The following PCP4 variants were observed in gnomAD, a reference collection of about 807,000 sequenced individuals.
PCP4 encodes calmodulin regulator protein PCP4.
PCP4 carries 8 observed loss-of-function variants against 10.0 expected under a neutral mutation model. The ratio of observed to expected loss-of-function variants is 0.80; its 90% confidence interval spans 0.47 to 1.45. The LOEUF is 1.45. Ranked by LOEUF, PCP4 falls within the 40% of genes most tolerant of loss-of-function variation. The pLI, the probability that PCP4 is intolerant of heterozygous loss-of-function variation, is 0.00. For synonymous variants in PCP4, 21 were observed against 23.0 expected, an observed-to-expected ratio of 0.91 and a Z score of 0.24; for missense variants, 54 against 74.4, an observed-to-expected ratio of 0.73 and a Z score of 1.01.
chr21:39,908,296 A>G (rs998144733), intron 2 of PCP4, among the ~76,000 whole-genome samples: 3 of 152,132 alleles, frequency 2.0e-5, no homozygotes, highest in Admixed American at 2.0e-4. Flanking sequence ...TGTTCCCCAC[A>G]GTCGGTGTAA....
chr21:39,867,471 G>A lies in PCP4; in HGVS notation c.-31G>A, dbSNP rs562959976. Reference sequence around the variant, plus strand: ...CTGAGCAGTGTTCTCTGTGCTGAGCGGCGGGACTGAGCTGTTGAGTTAGAG... The same window carrying A: ...CTGAGCAGTGTTCTCTGTGCTGAGCAGCGGGACTGAGCTGTTGAGTTAGAG... On this transcript the variant is annotated 5_prime_UTR_variant, in exon 1 of 3. Transcript: ENST00000328619. 2.5e-6 allele frequency: 4 copies of A among 1,613,894 alleles called. No individual in the cohort carries two copies. The highest frequency in any genetic ancestry group is 1.7e-5 in the Admixed American group (1 of 60,028).
chr21:39,929,182 C>T lies in PCP4; in HGVS notation c.*71C>T. The T allele has an allele frequency of 2.0e-6, 3 of 1,495,074 alleles. No homozygotes were observed. The South Asian group carries it at 3.7e-5, about 19-fold the overall frequency. 92.6% of individuals were successfully genotyped at this position (1,495,074 alleles called of 1,614,324 possible). Reference sequence around the variant, plus strand: ...ATCATCTGTCAAGAAATTAAAAGAACAACACCCTAGAGAGAAGTCATCCAC... The same window carrying T: ...ATCATCTGTCAAGAAATTAAAAGAATAACACCCTAGAGAGAAGTCATCCAC... On this transcript the variant is annotated 3_prime_UTR_variant, in exon 3 of 3. Coordinates refer to ENST00000328619, the MANE Select transcript of PCP4 (RefSeq NM_006198.3).
At chr21:39,880,973 T>C (rs1168569337) in intron 1 of PCP4, among the ~76,000 whole-genome samples, 2 of 152,188 alleles carry the variant, frequency 1.3e-5, no homozygotes, top group Admixed American at 6.5e-5. Context: ...GCACAGCTGT[T>C]AGATGAGTTG....
At chr21:39,878,181 A>G (rs1272293640) in intron 1 of PCP4, among the ~76,000 whole-genome samples, 1 of 152,140 alleles carries the variant, frequency 6.6e-6, no homozygotes, top group Non-Finnish European at 1.5e-5. Context: ...CTACAGGCCT[A>G]TTCTCTGTAT....
At chr21:39,879,587 C>T (rs1056119178) in intron 1 of PCP4, among the ~76,000 whole-genome samples, 1 of 152,164 alleles carries the variant, frequency 6.6e-6, no homozygotes, top group Non-Finnish European at 1.5e-5. Flanking sequence ...TCCAGAGGTA[C>T]AAGCAGTGGC....
intron 1 of PCP4, among the ~76,000 whole-genome samples, chr21:39,896,948 T>C (rs1378065237): frequency 1.3e-5 from 2 of 152,170 alleles, no homozygotes; most frequent in Non-Finnish European, 2.9e-5. Flanking sequence ...TCTGCTGTTT[T>C]TTTCTAGGAT....
At chr21:39,927,506 A>C (rs886996423) in intron 2 of PCP4, among the ~76,000 whole-genome samples, 1 of 152,146 alleles carries the variant, frequency 6.6e-6, no homozygotes, top group African/African-American at 2.4e-5. Context: ...ATTATTATGC[A>C]AAGTCCCTAA....
chr21:39,922,714 G>C (rs1305741034), intron 2 of PCP4, among the ~76,000 whole-genome samples: 1 of 152,184 alleles, frequency 6.6e-6, no homozygotes, highest in South Asian at 2.1e-4. Flanking sequence ...CAACTACACT[G>C]TTTGTTGAGA....
chr21:39,890,721 A>G lies in PCP4; in HGVS notation c.10-7755A>G, dbSNP rs535693111. 2.0e-5 allele frequency among the ~76,000 whole-genome samples: 3 copies of G among 152,204 alleles called. No homozygotes were observed. In the South Asian group the frequency reaches 6.2e-4, roughly 32 times the overall value. On this transcript the variant is annotated intron_variant, in intron 1 of 2. Coordinates refer to ENST00000328619, the MANE Select transcript of PCP4 (RefSeq NM_006198.3). ...CTTTTTGCAGTACTTTTTATTTGAAAAATATTGCGTTAACATATGATTTAT... is the reference window on the plus strand; with the variant it reads ...CTTTTTGCAGTACTTTTTATTTGAAGAATATTGCGTTAACATATGATTTAT...
chr21:39,870,937 C>T (rs2087316639), intron 1 of PCP4, among the ~76,000 whole-genome samples: 1 of 152,188 alleles, frequency 6.6e-6, no homozygotes, highest in Non-Finnish European at 1.5e-5. Context: ...CAGGGCAAGG[C>T]GATGCCCATC....
At chr21:39,917,306 G>A (rs1040021623) in intron 2 of PCP4, among the ~76,000 whole-genome samples, 3 of 152,190 alleles carry the variant, frequency 2.0e-5, no homozygotes, top group Non-Finnish European at 4.4e-5. Context: ...CTGCCTCAGG[G>A]CTTACCAGAA....
At chr21:39,902,589 C>G (rs188706662) in intron 2 of PCP4, among the ~76,000 whole-genome samples, 25 of 152,278 alleles carry the variant, frequency 1.6e-4, no homozygotes, top group African/African-American at 5.3e-4. Context: ...TGCATACTCT[C>G]CAGAATGTTT....
chr21:39,910,406 C>A lies in PCP4; in HGVS notation c.61+11879C>A, dbSNP rs1295119655. 2.0e-5 allele frequency among the ~76,000 whole-genome samples: 3 copies of A among 152,126 alleles called. No homozygotes were observed. The East Asian group carries it at 5.8e-4, about 29-fold the overall frequency. Reference sequence around the variant, plus strand: ...TACACTTCAAGTTTCGCTCTTTCCACACAAACATAAAGCTTTTGGCAGTTT... The same window carrying A: ...TACACTTCAAGTTTCGCTCTTTCCAAACAAACATAAAGCTTTTGGCAGTTT... On this transcript the variant is annotated intron_variant, in intron 2 of 2. Coordinates refer to ENST00000328619, the MANE Select transcript of PCP4 (RefSeq NM_006198.3).
chr21:39,907,400 G>A (rs1209736332), intron 2 of PCP4, among the ~76,000 whole-genome samples: 1 of 152,180 alleles, frequency 6.6e-6, no homozygotes, highest in African/African-American at 2.4e-5. Context: ...CAGAAAAGGA[G>A]AAACCAGAAT....
At chr21:39,871,148 C>T (rs149671258) in intron 1 of PCP4, among the ~76,000 whole-genome samples, 9 of 152,250 alleles carry the variant, frequency 5.9e-5, no homozygotes, top group Admixed American at 2.6e-4. Flanking sequence ...GCAGTTAACT[C>T]GTGAGGTGAG....
intron 2 of PCP4, among the ~76,000 whole-genome samples, chr21:39,927,316 A>G (rs1346970711): frequency 9.0e-6 from 1 of 110,678 alleles, no homozygotes; most frequent in East Asian, 2.3e-4. Context: ...CTATCTATCT[A>G]TCTATCATCT....
chr21:39,925,465 A>T (rs138639818), intron 2 of PCP4, among the ~76,000 whole-genome samples: 123 of 152,336 alleles, frequency 8.1e-4, no homozygotes, highest in African/African-American at 2.8e-3. Context: ...ATCCTATGTA[A>T]GCTGTTGGAA....
Position 39,906,003 on chromosome 21 carries a change from C to T in PCP4, c.61+7476C>T, listed in dbSNP as rs978625039. Among the ~76,000 whole-genome samples the T allele has an allele frequency of 5.9e-5, 9 of 152,150 alleles. No individual in the cohort carries two copies. The highest frequency in any genetic ancestry group is 2.1e-4 in the South Asian group (1 of 4,824). The stretch of plus-strand genomic sequence containing the variant: ...AGGCAGAGCTTGCAGTGAGCCGAGA[C>T]CATGCCACTGCACTCCAACCTGGGT... On this transcript the variant is annotated intron_variant, in intron 2 of 2. Coordinates refer to ENST00000328619, the MANE Select transcript of PCP4 (RefSeq NM_006198.3). The surrounding 1 kb of genome is among the most constrained non-coding windows in gnomAD (Gnocchi z 6.3).
intron 1 of PCP4, among the ~76,000 whole-genome samples, chr21:39,894,890 C>T (rs2087449423): frequency 2.0e-5 from 3 of 152,140 alleles, no homozygotes; most frequent in Admixed American, 2.0e-4. Flanking sequence ...AAAAGGCAGC[C>T]TCTTCCCGAA....
Sources: gnomAD v4.1 joint callset for allele counts (sites outside exome capture counted in the v4.1 genomes callset) on GRCh38, gnomAD v4.1.1 for gene constraint, Gnocchi (gnomAD v3.1) non-coding constraint, MANE v1.5 for transcripts, NCBI Gene and HGNC (gene_info 2026-07-23, HGNC 2026-07-21) for gene names.